The following MEGF11 variants were observed in gnomAD, a reference collection of about 807,000 sequenced individuals.
MEGF11 encodes the protein multiple epidermal growth factor-like domains protein 11.
Under a neutral mutation model 146.6 loss-of-function variants are expected in MEGF11, and 126 were observed. The ratio of observed to expected loss-of-function variants is 0.86; its 90% CI spans 0.74 to 1.00. The LOEUF is 1.00. Ranked by LOEUF, MEGF11 falls within the 50% of genes least tolerant of loss-of-function variation. The pLI, the probability that MEGF11 is intolerant of heterozygous loss-of-function variation, is 0.00. For synonymous variants in MEGF11, 532 were observed against 583.4 expected (o/e 0.91, Z 1.27); for missense variants, 1,509 against 1,521.2 (o/e 0.99, Z 0.13).
intron 1 of MEGF11, among the ~76,000 whole-genome samples, chr15:66,129,262 C>T (rs766551979): frequency 6.6e-6 from 1 of 152,210 alleles, no homozygotes; most frequent in Non-Finnish European, 1.5e-5. Context: ...TGTCCTGGCA[C>T]TCCAGGACTC....
intron 1 of MEGF11, among the ~76,000 whole-genome samples, chr15:66,161,531 G>A (rs1354832299): frequency 1.3e-5 from 2 of 152,144 alleles, no homozygotes; most frequent in African/African-American, 4.8e-5. Context: ...GACTACAGGC[G>A]TGTACCACCA....
intron 5 of MEGF11, among the ~76,000 whole-genome samples, chr15:66,007,661 A>T (rs975544912): frequency 3.3e-5 from 5 of 152,198 alleles, no homozygotes; most frequent in African/African-American, 1.2e-4. Context: ...GCTGAGGAGA[A>T]AGGATGGCTT....
intron 10 of MEGF11, among the ~76,000 whole-genome samples, chr15:65,953,132 G>A (rs538039947): frequency 1.6e-3 from 243 of 152,286 alleles, no homozygotes; most frequent in Non-Finnish European, 2.5e-3. Flanking sequence ...GGGCATGGGG[G>A]AAGCAACGTT....
chr15:66,181,110 T>G (rs1281373737), intron 1 of MEGF11, among the ~76,000 whole-genome samples: 1 of 152,242 alleles, frequency 6.6e-6, no homozygotes, highest in African/African-American at 2.4e-5. Flanking sequence ...AATCTGTTAT[T>G]ATTAGAAACA....
At chr15:66,191,192 C>A (rs1427145800) in intron 1 of MEGF11, among the ~76,000 whole-genome samples, 1 of 152,202 alleles carries the variant, frequency 6.6e-6, no homozygotes, top group Non-Finnish European at 1.5e-5. Context: ...CAGCAAAAAT[C>A]CTACTTTGCT....
At chr15:65,989,494 T>C (rs1596960446) in intron 5 of MEGF11, among the ~76,000 whole-genome samples, 1 of 152,198 alleles carries the variant, frequency 6.6e-6, no homozygotes, top group Non-Finnish European at 1.5e-5. Flanking sequence ...GGTCACGGGA[T>C]TGCTCCTGAG....
chr15:65,933,078 G>A (rs535950671), intron 10 of MEGF11, among the ~76,000 whole-genome samples: 3 of 152,194 alleles, frequency 2.0e-5, no homozygotes, highest in South Asian at 4.2e-4. Flanking sequence ...TCTTTGCCAC[G>A]GAGAGGCTTC....
At chr15:66,062,899 G>A (rs1371094959) in intron 5 of MEGF11, among the ~76,000 whole-genome samples, 2 of 152,246 alleles carry the variant, frequency 1.3e-5, no homozygotes, top group African/African-American at 4.8e-5. Context: ...ATGAGGTTGA[G>A]TGGCATGATT....
chr15:66,092,800 A>G (rs1191884632), intron 5 of MEGF11, among the ~76,000 whole-genome samples: 1 of 152,228 alleles, frequency 6.6e-6, no homozygotes, highest in Non-Finnish European at 1.5e-5. Flanking sequence ...GCTGTATTTC[A>G]ACCTCCAATA....
chr15:66,097,440 C>T (rs1597079799), intron 4 of MEGF11, among the ~76,000 whole-genome samples: 1 of 152,178 alleles, frequency 6.6e-6, no homozygotes, highest in Non-Finnish European at 1.5e-5. Context: ...GACCACAGAC[C>T]CCCATGCCAG....
At chr15:65,924,412 A>G (rs1290184703) in intron 13 of MEGF11, among the ~76,000 whole-genome samples, 4 of 148,014 alleles carry the variant, frequency 2.7e-5, no homozygotes, top group Admixed American at 2.7e-4. Flanking sequence ...AGGGAATGGG[A>G]TCTGGCAGCC....
chr15:65,934,170 G>A (rs2079681955), intron 10 of MEGF11, among the ~76,000 whole-genome samples: 1 of 152,296 alleles, frequency 6.6e-6, no homozygotes, highest in Admixed American at 6.5e-5. Flanking sequence ...CTGATATTGT[G>A]AAATATAAGG....
At chr15:66,181,381 G>T (rs1462342274) in intron 1 of MEGF11, among the ~76,000 whole-genome samples, 2 of 152,144 alleles carry the variant, frequency 1.3e-5, no homozygotes, top group Non-Finnish European at 2.9e-5. Flanking sequence ...GAATTTGGAG[G>T]TTCACAGAAC....
intron 10 of MEGF11, among the ~76,000 whole-genome samples, chr15:65,956,763 A>T (rs190879091): frequency 6.6e-6 from 1 of 152,270 alleles, no homozygotes; most frequent in Admixed American, 6.5e-5. Context: ...GTAAACAAAC[A>T]TAGGGAAGAT....
intron 10 of MEGF11, among the ~76,000 whole-genome samples, chr15:65,939,175 G>T (rs2079891935): frequency 6.6e-6 from 1 of 152,182 alleles, no homozygotes; most frequent in Non-Finnish European, 1.5e-5. Flanking sequence ...AAGGTGGCAT[G>T]AGCCTGCCAG....
chr15:66,113,189 C>T (rs1248268195), intron 4 of MEGF11, among the ~76,000 whole-genome samples: 1 of 152,176 alleles, frequency 6.6e-6, no homozygotes, highest in Non-Finnish European at 1.5e-5. Flanking sequence ...CAGCTGCTGG[C>T]TCCCTCGGAC....
intron 5 of MEGF11, among the ~76,000 whole-genome samples, chr15:66,029,671 C>A (rs1475847732): frequency 1.3e-5 from 2 of 152,192 alleles, no homozygotes; most frequent in Non-Finnish European, 2.9e-5. Flanking sequence ...CCTGGGCCAC[C>A]TGCCCCCTAC....
At chr15:66,106,865 T>A (rs2087106725) in intron 4 of MEGF11, among the ~76,000 whole-genome samples, 1 of 152,184 alleles carries the variant, frequency 6.6e-6, no homozygotes, top group Admixed American at 6.5e-5. Context: ...TAAAAGACAC[T>A]GAATGGTAAA....
At chr15:66,042,073 A>T (rs1164933822) in intron 5 of MEGF11, among the ~76,000 whole-genome samples, 1 of 150,934 alleles carries the variant, frequency 6.6e-6, no homozygotes, top group African/African-American at 2.4e-5. Flanking sequence ...GTATTTGGTC[A>T]TGTAGCAGAG....
Sources: allele counts gnomAD v4.1 joint callset (sites outside exome capture counted in the v4.1 genomes callset), GRCh38; gene constraint gnomAD v4.1.1; transcripts MANE v1.5; gene names NCBI Gene and HGNC (gene_info 2026-07-23, HGNC 2026-07-21).